MAF: variants seen among roughly 807,000 people sequenced by gnomAD.
MAF encodes the protein transcription factor Maf.
In MAF, 10 loss-of-function variants were observed where a neutral mutation model predicts 22.0. The ratio of observed to expected loss-of-function variants is 0.45; its 90% CI spans 0.28 to 0.77. The LOEUF (loss-of-function observed/expected upper bound fraction) is 0.77. Among genes scored for constraint, MAF ranks in the 30% least tolerant of loss-of-function variants. The pLI, the probability that MAF is intolerant of heterozygous loss-of-function variation, is 0.12. For missense variants in MAF, 544 were observed against 548.4 expected (o/e 0.99, Z 0.08); for synonymous variants, 337 against 255.8 (o/e 1.32, Z -3.03).
the MAF span, among the ~76,000 whole-genome samples, chr16:79,510,690 C>T: frequency 6.6e-6 from 1 of 152,194 alleles, no homozygotes; most frequent in African/African-American, 2.4e-5. Context: ...TGACCTGTGC[C>T]CTCAAAGGGG....
chr16:79,394,703 G>A, the MAF span, among the ~76,000 whole-genome samples: 2 of 152,118 alleles, frequency 1.3e-5, no homozygotes, highest in African/African-American at 4.8e-5. Context: ...AATCGCTGGG[G>A]CACCTTTAAA....
the MAF span, among the ~76,000 whole-genome samples, chr16:79,260,907 C>T: frequency 6.6e-6 from 1 of 152,062 alleles, no homozygotes; most frequent in African/African-American, 2.4e-5. Flanking sequence ...TGGAAAATAG[C>T]ACACCCAAGA....
At chr16:79,435,246 GCACACA>G in the MAF span, among the ~76,000 whole-genome samples, 5 of 150,152 alleles carry the variant, frequency 3.3e-5, no homozygotes, top group Non-Finnish European at 7.4e-5. Flanking sequence ...CTGCGACTGT[GCACACA>G]CACACACACA....
chr16:79,248,576 C>T, the MAF span, among the ~76,000 whole-genome samples: 1 of 152,142 alleles, frequency 6.6e-6, no homozygotes, highest in African/African-American at 2.4e-5. Flanking sequence ...TTTTCCCTCC[C>T]CTGAAGATTA....
chr16:79,508,287 G>T, the MAF span, among the ~76,000 whole-genome samples: 1 of 152,200 alleles, frequency 6.6e-6, no homozygotes, highest in African/African-American at 2.4e-5. Context: ...CTGGCTTCTT[G>T]TTGGACTTGG....
chr16:79,256,942 G>T, the MAF span, among the ~76,000 whole-genome samples: 1 of 152,176 alleles, frequency 6.6e-6, no homozygotes, highest in Non-Finnish European at 1.5e-5. Flanking sequence ...ACTTTGGGAG[G>T]CCGAGGCGGG....
Position 79,598,762 on chromosome 16 carries a change from C to G in MAF, c.1118+23G>C, listed in dbSNP as rs191194384. 6.4e-4 allele frequency: 1,031 copies of G among 1,613,722 alleles called. 6 individuals carry two copies. The African/African-American group carries it at 0.013, about 20-fold the overall frequency. ...GCGGAGCACTTATCAGGGTGGCTAGCTGGAATCGCGTGTCAGACTCACATG... is the reference window on the plus strand; with the variant it reads ...GCGGAGCACTTATCAGGGTGGCTAGGTGGAATCGCGTGTCAGACTCACATG... On this transcript the variant is annotated intron_variant, in intron 1 of 1. Coordinates refer to ENST00000326043, the MANE Select transcript of MAF (RefSeq NM_005360.5).
chr16:79,212,226 C>A, the MAF span: 1 of 1,377,122 alleles, frequency 7.3e-7, no homozygotes, highest in Non-Finnish European at 9.6e-7. Context: ...CAAGTGTTCA[C>A]TGCTCCTTGC....
the MAF span, among the ~76,000 whole-genome samples, chr16:79,560,692 AAC>A: frequency 3.2e-4 from 49 of 152,274 alleles, no homozygotes; most frequent in African/African-American, 1.1e-3. Flanking sequence ...TGGGAAGATT[AAC>A]ACACAACAGG....
chr16:79,312,240 T>C, the MAF span, among the ~76,000 whole-genome samples: 9 of 152,142 alleles, frequency 5.9e-5, no homozygotes, highest in African/African-American at 1.2e-4. Context: ...ACTGTCCCTG[T>C]CTGCACAGAG....
At chr16:79,379,519 A>ACGCACACACACACACACT in the MAF span, among the ~76,000 whole-genome samples, 19 of 152,142 alleles carry the variant, frequency 1.2e-4, no homozygotes, top group African/African-American at 4.3e-4. Flanking sequence ...ACACACACAC[A>ACGCACACACACACACACT]CACACACACA....
the MAF span, among the ~76,000 whole-genome samples, chr16:79,498,179 A>G: frequency 2.6e-5 from 4 of 152,184 alleles, no homozygotes; most frequent in Non-Finnish European, 5.9e-5. Context: ...ACTTGGGCAC[A>G]CTTGCTAAGT....
chr16:79,346,111 T>C, the MAF span, among the ~76,000 whole-genome samples: 3 of 152,042 alleles, frequency 2.0e-5, no homozygotes, highest in African/African-American at 7.2e-5. Flanking sequence ...ATGTGCCATG[T>C]TGGTGTGCTG....
At chr16:79,237,632 C>T in the MAF span, among the ~76,000 whole-genome samples, 3 of 151,896 alleles carry the variant, frequency 2.0e-5, no homozygotes, top group Admixed American at 6.6e-5. Context: ...CAGGGGAAAG[C>T]GTGCTGTGCT....
chr16:79,411,455 T>C, the MAF span, among the ~76,000 whole-genome samples: 191 of 152,342 alleles, frequency 1.3e-3, no homozygotes, highest in African/African-American at 4.2e-3. Flanking sequence ...AACAGGCCTC[T>C]GAAGCCTGCA....
chr16:79,389,968 C>A, the MAF span, among the ~76,000 whole-genome samples: 1 of 93,414 alleles, frequency 1.1e-5, no homozygotes, highest in Non-Finnish European at 1.9e-5. Flanking sequence ...CACAGCGAGA[C>A]TCCATCTCAA....
the MAF span, among the ~76,000 whole-genome samples, chr16:79,486,165 T>C: frequency 2.0e-5 from 3 of 152,174 alleles, no homozygotes; most frequent in Non-Finnish European, 2.9e-5. Context: ...AACCCCTCTT[T>C]TCATGTGGGG....
the MAF span, among the ~76,000 whole-genome samples, chr16:79,254,672 G>C: frequency 6.6e-6 from 1 of 152,022 alleles, no homozygotes; most frequent in Non-Finnish European, 1.5e-5. Context: ...CTGGGATCTC[G>C]GTTCCTGGAT....
At chr16:79,509,220 G>A in the MAF span, among the ~76,000 whole-genome samples, 7 of 152,310 alleles carry the variant, frequency 4.6e-5, no homozygotes, top group Admixed American at 4.6e-4. Context: ...CTAAGCAGAA[G>A]CAGAATAAAA....
Sources: gnomAD v4.1 joint callset for allele counts (sites outside exome capture counted in the v4.1 genomes callset) on GRCh38, gnomAD v4.1.1 for gene constraint, MANE v1.5 for transcripts, NCBI Gene and HGNC (gene_info 2026-07-23, HGNC 2026-07-21) for gene names.